Variants in WWOX observed in about 807,000 individuals in gnomAD.
The protein encoded by WWOX is WW domain-containing oxidoreductase.
Under a neutral mutation model 46.2 loss-of-function variants are expected in WWOX, and 69 were observed. That is an observed-to-expected ratio of 1.49 (90% CI 1.23 to 1.82). The LOEUF (loss-of-function observed/expected upper bound fraction) is 1.82. Among genes scored for constraint, WWOX ranks in the 40% most tolerant of loss-of-function variants. The pLI is 0.00. For missense variants in WWOX, 919 were observed against 542.6 expected (o/e 1.69, Z -6.89); for synonymous variants, 359 against 202.6 (o/e 1.77, Z -6.56).
intron 8 of WWOX, among the ~76,000 whole-genome samples, chr16:78,731,575 A>C (rs1303178687): frequency 6.6e-6 from 1 of 150,924 alleles, no homozygotes; most frequent in African/African-American, 2.4e-5. Context: ...TTCCTCGTTT[A>C]TTTGGGCTTT....
chr16:78,494,642 A>C (rs995557230), intron 8 of WWOX, among the ~76,000 whole-genome samples: 2 of 152,188 alleles, frequency 1.3e-5, no homozygotes, highest in African/African-American at 4.8e-5. Flanking sequence ...GAAAGACTGC[A>C]TCTCCTGGAT....
intron 8 of WWOX, among the ~76,000 whole-genome samples, chr16:78,562,487 G>A (rs2044463124): frequency 1.3e-5 from 2 of 152,156 alleles, no homozygotes; most frequent in Non-Finnish European, 2.9e-5. Flanking sequence ...AACCTCCCAG[G>A]TTCATGGAGG....
At chr16:78,935,122 G>A (rs1485193793) in intron 8 of WWOX, among the ~76,000 whole-genome samples, 3 of 152,160 alleles carry the variant, frequency 2.0e-5, no homozygotes, top group African/African-American at 4.8e-5. Context: ...TGGAGAGGAT[G>A]TAGAGAAATA....
intron 8 of WWOX, among the ~76,000 whole-genome samples, chr16:78,509,014 G>A (rs1282578408): frequency 6.6e-6 from 1 of 152,266 alleles, no homozygotes; most frequent in African/African-American, 2.4e-5. Flanking sequence ...TGCATGTGTG[G>A]CTTTGTAGAC....
At chr16:78,234,570 A>G (rs1409205571) in intron 5 of WWOX, among the ~76,000 whole-genome samples, 1 of 152,194 alleles carries the variant, frequency 6.6e-6, no homozygotes, top group Non-Finnish European at 1.5e-5. Flanking sequence ...TTAGAACCGA[A>G]GTATTTGGAA....
At chr16:78,402,426 C>T (rs1482996702) in intron 6 of WWOX, among the ~76,000 whole-genome samples, 2 of 152,130 alleles carry the variant, frequency 1.3e-5, no homozygotes, top group Admixed American at 1.3e-4. Context: ...GTAAAAGATG[C>T]TGCTATGAAC....
intron 8 of WWOX, among the ~76,000 whole-genome samples, chr16:78,470,275 A>G (rs892137416): frequency 3.9e-5 from 6 of 152,210 alleles, no homozygotes; most frequent in Admixed American, 2.0e-4. Context: ...TTTGAACTCC[A>G]GGAGGCTAGG....
intron 5 of WWOX, among the ~76,000 whole-genome samples, chr16:78,299,765 GTGT>G (rs1723643715): frequency 6.6e-6 from 1 of 152,122 alleles, no homozygotes; most frequent in African/African-American, 2.4e-5. Flanking sequence ...CTGGGCTCAA[GTGT>G]TGTGCCCTGT....
chr16:79,149,870 C>G (rs536619032), intron 8 of WWOX, among the ~76,000 whole-genome samples: 16 of 152,262 alleles, frequency 1.1e-4, no homozygotes, highest in African/African-American at 3.1e-4. Context: ...GTGGATCACA[C>G]AGGGATTCAG....
chr16:78,789,611 G>C (rs2050544337), intron 8 of WWOX, among the ~76,000 whole-genome samples: 1 of 152,112 alleles, frequency 6.6e-6, no homozygotes, highest in Non-Finnish European at 1.5e-5. Flanking sequence ...TCATTTTCAA[G>C]ATTGTTTTGG....
intron 8 of WWOX, among the ~76,000 whole-genome samples, chr16:78,827,573 C>G (rs2051692896): frequency 6.6e-6 from 1 of 152,170 alleles, no homozygotes; most frequent in Non-Finnish European, 1.5e-5. Context: ...TAGCTCATGC[C>G]TGTAATCCCA....
chr16:79,177,927 C>T (rs562773411), intron 8 of WWOX, among the ~76,000 whole-genome samples: 92 of 152,270 alleles, frequency 6.0e-4, no homozygotes, highest in African/African-American at 2.0e-3. Flanking sequence ...CCTGGGAAGT[C>T]CAAGAGCAAA....
intron 5 of WWOX, among the ~76,000 whole-genome samples, chr16:78,177,217 G>A (rs749047506): frequency 2.6e-5 from 4 of 152,192 alleles, no homozygotes; most frequent in African/African-American, 7.2e-5. Context: ...TCCCAACCCA[G>A]TTTACCAAGT....
intron 8 of WWOX, among the ~76,000 whole-genome samples, chr16:79,096,538 C>T (rs770833418): frequency 2.6e-5 from 4 of 152,156 alleles, no homozygotes; most frequent in East Asian, 1.9e-4. Flanking sequence ...TCTCTGTTAC[C>T]TTCGGAGGAA....
chr16:79,083,693 G>C (rs553383045), intron 8 of WWOX, among the ~76,000 whole-genome samples: 1 of 152,276 alleles, frequency 6.6e-6, no homozygotes, highest in East Asian at 1.9e-4. Flanking sequence ...TACTGCTACG[G>C]TAAACCGATC....
chr16:78,508,641 G>C, intron 8 of WWOX, among the ~76,000 whole-genome samples: 1 of 152,152 alleles, frequency 6.6e-6, no homozygotes, highest in East Asian at 1.9e-4. Flanking sequence ...GCTCATTTTT[G>C]ATAAGTAGTT....
chr16:78,997,006 G>T (rs764556976), intron 8 of WWOX, among the ~76,000 whole-genome samples: 1 of 152,218 alleles, frequency 6.6e-6, no homozygotes, highest in African/African-American at 2.4e-5. Flanking sequence ...TCAAATGTGC[G>T]TCTCTGGCAA....
intron 8 of WWOX, among the ~76,000 whole-genome samples, chr16:79,188,304 C>T (rs1372710791): frequency 1.3e-5 from 2 of 152,172 alleles, no homozygotes; most frequent in African/African-American, 4.8e-5. Context: ...AAGCTGGCCT[C>T]GTGTTTGTGG....
At chr16:78,153,373 A>G (rs1394918595) in intron 4 of WWOX, among the ~76,000 whole-genome samples, 1 of 152,136 alleles carries the variant, frequency 6.6e-6, no homozygotes, top group Non-Finnish European at 1.5e-5. Flanking sequence ...TGGTCTTCCT[A>G]CTTTTAGGAG....
Sources: gnomAD v4.1 joint callset for allele counts (sites outside exome capture counted in the v4.1 genomes callset) on GRCh38, gnomAD v4.1.1 for gene constraint, MANE v1.5 for transcripts, NCBI Gene and HGNC (gene_info 2026-07-23, HGNC 2026-07-21) for gene names.